POMP: variants seen among roughly 807,000 people sequenced by gnomAD.
POMP encodes 2510048O06Rik.
In POMP, 12 loss-of-function variants were observed where a neutral mutation model predicts 20.6. The observed-to-expected ratio is 0.58, with a 90% CI of 0.37 to 0.94. POMP has a LOEUF of 0.94. POMP is among the 40% of genes least tolerant of loss of function. The pLI is 0.01. For synonymous variants in POMP, 53 were observed against 55.0 expected (o/e 0.96, Z 0.16); for missense variants, 136 against 161.1 (o/e 0.84, Z 0.84).
At chr13:28,668,733 AAG>A (rs1275908032) in intron 4 of POMP, among the ~76,000 whole-genome samples, 159 bp downstream of exon 4, 3 of 152,186 alleles carry the variant, frequency 2.0e-5, no homozygotes, top group African/African-American at 7.2e-5. Context: ...AGAGGGAAAA[AAG>A]AAGTCATTAA....
intron 5 of POMP, among the ~76,000 whole-genome samples, 183 bp downstream of exon 5, chr13:28,672,615 T>C (rs1566110251): frequency 6.6e-6 from 1 of 152,142 alleles, no homozygotes; most frequent in Admixed American, 6.5e-5. Context: ...AAAGTGAAGA[T>C]TGGCTGGGTG....
At position 28,659,285 on chromosome 13, in the gene POMP, G is replaced by A. The variant is rs1618098; in HGVS notation, c.3+98G>A. 8.8e-3 allele frequency: 13,471 copies of A among 1,531,020 alleles called. 926 individuals carry two copies. In the African/African-American group the frequency reaches 0.15, roughly 17 times the overall value. 94.8% of individuals were successfully genotyped at this position (1,531,020 alleles called of 1,614,324 possible). On this transcript the variant is annotated intron_variant, in intron 1 of 5. Transcript: ENST00000380842. ...CTCCCAACCCGTCCCCGGTGGCGGC[G>A]GCGGCGGCAGCGTGGGGCTGAGGCC...
chr13:28,661,561 C>T (rs560045757), intron 1 of POMP, among the ~76,000 whole-genome samples: 11 of 152,256 alleles, frequency 7.2e-5, no homozygotes, highest in African/African-American at 1.4e-4. Flanking sequence ...GCTGAAGCCC[C>T]GGGAGGTAGA....
At chr13:28,660,488 G>C (rs1016668756) in intron 1 of POMP, among the ~76,000 whole-genome samples, 2 of 152,236 alleles carry the variant, frequency 1.3e-5, no homozygotes, top group Non-Finnish European at 2.9e-5. Context: ...CTGATGTTTA[G>C]TAGGTTAGGT....
intron 1 of POMP, among the ~76,000 whole-genome samples, chr13:28,662,065 C>T (rs994899407): frequency 6.6e-6 from 1 of 152,186 alleles, no homozygotes; most frequent in Non-Finnish European, 1.5e-5. Flanking sequence ...TTACTTCTGC[C>T]TCACTGGAAA....
At position 28,675,165 on chromosome 13, in the gene POMP, G is replaced by A. The variant is rs117535997; in HGVS notation, c.358+2733G>A. 9.6e-3 allele frequency among the ~76,000 whole-genome samples: 1,442 copies of A among 150,792 alleles called. 17 individuals are homozygous for A. Among genetic ancestry groups the A allele is most frequent in the Admixed American group, 0.018 (266 of 15,124 alleles). ...TAGATTTTTTTTGTTTTGGAGACAC[G>A]AGTCTAGCTCTGTCACCCAGGCTGG... is the stretch of plus-strand genomic sequence containing the variant. On this transcript the variant is annotated intron_variant, in intron 5 of 5. Coordinates refer to ENST00000380842, the MANE Select transcript of POMP (RefSeq NM_015932.6).
intron 2 of POMP, among the ~76,000 whole-genome samples, chr13:28,663,557 A>T (rs1884386412): frequency 6.6e-6 from 1 of 152,090 alleles, no homozygotes; most frequent in African/African-American, 2.4e-5. Context: ...TGATCCGTAC[A>T]CCTTGGCCTC....
intron 5 of POMP, 75 bp from the exon 6 acceptor site, chr13:28,677,960 C>A: frequency 6.9e-7 from 1 of 1,453,330 alleles, no homozygotes; most frequent in Non-Finnish European, 9.6e-7. Flanking sequence ...CTTCTGGATT[C>A]TTATGTAAGC....
chr13:28,672,550 A>G, intron 5 of POMP, 118 bp downstream of exon 5: 3 of 776,346 alleles, frequency 3.9e-6, no homozygotes, highest in South Asian at 1.4e-5. Context: ...GGTTCACTTT[A>G]TTCATTGCAT....
At position 28,668,624 on chromosome 13, in the gene POMP, A is replaced by C. The variant is rs1771166; in HGVS notation, c.264+50A>C. The C allele has an allele frequency of 9.3e-3, 12,963 of 1,389,038 alleles. 890 individuals carry two copies. In the African/African-American group the frequency reaches 0.15, roughly 16 times the overall value. 86.0% of individuals were successfully genotyped at this position (1,389,038 alleles called of 1,614,324 possible). ...TATGTGTCGATATCATTCATGAGGA[A>C]TCTTCTGTTTTCATAACAGCTATTT... On this transcript the variant is annotated intron_variant, in intron 4 of 5. Transcript: ENST00000380842.
At chr13:28,663,719 G>T (rs906630537) in intron 2 of POMP, among the ~76,000 whole-genome samples, 2 of 152,160 alleles carry the variant, frequency 1.3e-5, no homozygotes, top group Non-Finnish European at 2.9e-5. Flanking sequence ...GCAGCATATA[G>T]CCTGTGAAAT....
At chr13:28,664,660 C>T in intron 3 of POMP, 91 bp downstream of exon 3, 1 of 825,694 alleles carries the variant, frequency 1.2e-6, no homozygotes, top group Non-Finnish European at 1.9e-6. Context: ...AATTTTGGTA[C>T]TGAGGATTTG....
intron 5 of POMP, among the ~76,000 whole-genome samples, chr13:28,676,570 A>C (rs1005577040): frequency 6.6e-6 from 1 of 152,160 alleles, no homozygotes; most frequent in Non-Finnish European, 1.5e-5. Flanking sequence ...TCACATTCTT[A>C]TCACCTTTGA....
intron 4 of POMP, among the ~76,000 whole-genome samples, 178 bp downstream of exon 4, chr13:28,668,752 A>G (rs898020980): frequency 1.8e-4 from 28 of 152,308 alleles, no homozygotes; most frequent in African/African-American, 6.7e-4. Flanking sequence ...TTAAATGGAA[A>G]ACTTCAAATT....
intron 4 of POMP, among the ~76,000 whole-genome samples, chr13:28,669,813 T>C (rs1884514596): frequency 6.6e-6 from 1 of 152,172 alleles, no homozygotes; most frequent in Admixed American, 6.5e-5. Flanking sequence ...CAATTATATG[T>C]TGATGATTCC....
At chr13:28,669,871 C>G (rs1250680582) in intron 4 of POMP, among the ~76,000 whole-genome samples, 1 of 151,968 alleles carries the variant, frequency 6.6e-6, no homozygotes, top group African/African-American at 2.4e-5. Context: ...TTTGGGAGGC[C>G]AAGGTGGGTG....
Position 28,672,407 on chromosome 13 carries a change from T to C in POMP, c.333T>C (p.Thr111=), listed in dbSNP as rs1884564839. ...SLDVLRGNDE[T]IGFEDILNDP... The stretch of plus-strand genomic sequence containing the variant: ...ATGTTTTGAGGGGTAATGATGAGAC[T>C]ATTGGATTTGAGGATATTCTTAATG... Residue 111 remains threonine, a synonymous_variant, in exon 5 of 6, where the codon ACT becomes ACC. Coordinates refer to ENST00000380842, the MANE Select transcript of POMP (RefSeq NM_015932.6). The C allele has an allele frequency of 1.2e-6, 2 of 1,604,342 alleles. No homozygotes were observed. The highest frequency in any genetic ancestry group is 1.7e-6 in the Non-Finnish European group (2 of 1,171,274).
In POMP at chr13:28,662,449, C is replaced by T. The variant is rs140847879; in HGVS notation, c.43C>T (p.Pro15Ser). 11 of 1,613,812 alleles carry T rather than the reference C, an allele frequency of 6.8e-6. No individual in the cohort carries two copies. The South Asian group carries it at 7.7e-5, about 11-fold the overall frequency. ...TGGATCTGAGCTAAAGGACAGTATT[C>T]CAGTTACTGAACTTTCAGCAAGTGG... is the stretch of plus-strand genomic sequence containing the variant. The part of the protein sequence containing the change: ...GLGSELKDSI[P>S]VTELSASGPF... Residue 15 changes from proline to serine, a missense_variant, in exon 2 of 6, where the codon CCA (proline) becomes TCA (serine). Pro to Ser is a moderately conservative substitution (Grantham distance 74). Coordinates refer to ENST00000380842, the MANE Select transcript of POMP (RefSeq NM_015932.6).
chr13:28,674,570 T>C (rs1399220646), intron 5 of POMP, among the ~76,000 whole-genome samples: 1 of 152,176 alleles, frequency 6.6e-6, no homozygotes, highest in Non-Finnish European at 1.5e-5. Flanking sequence ...ATGGCTGGCA[T>C]GTTTTGAGCA....
Sources: allele counts gnomAD v4.1 joint callset (sites outside exome capture counted in the v4.1 genomes callset), GRCh38; gene constraint gnomAD v4.1.1; transcripts MANE v1.5; gene names NCBI Gene and HGNC (gene_info 2026-07-23, HGNC 2026-07-21).